The following DEPTOR variants were observed in gnomAD, a reference collection of about 807,000 sequenced individuals.
The protein encoded by DEPTOR is DEP domain containing MTOR interacting protein.
In DEPTOR, 41 loss-of-function variants were observed where a neutral mutation model predicts 41.6. The ratio of observed to expected loss-of-function variants is 0.98; its 90% CI spans 0.77 to 1.28. The LOEUF (loss-of-function observed/expected upper bound fraction) is 1.28. DEPTOR is among the 50% of genes most tolerant of loss of function. The probability of loss-of-function intolerance (pLI) is 0.00; values close to 1 mark genes in which losing one functional copy is unlikely to be tolerated. For synonymous variants in DEPTOR, 195 were observed against 192.3 expected (o/e 1.01, Z -0.12); for missense variants, 514 against 527.9 (o/e 0.97, Z 0.26).
chr8:120,035,883 G>C (rs527580565), intron 8 of DEPTOR, among the ~76,000 whole-genome samples: 3 of 152,306 alleles, frequency 2.0e-5, no homozygotes, highest in South Asian at 4.1e-4. Flanking sequence ...TAGAGAGAAT[G>C]CTGTCTGTCC....
intron 8 of DEPTOR, among the ~76,000 whole-genome samples, chr8:120,018,342 C>T (rs1046044676): frequency 6.6e-6 from 1 of 152,146 alleles, no homozygotes; most frequent in Non-Finnish European, 1.5e-5. Flanking sequence ...CTTTGGGAGG[C>T]CGAGGCAGGC....
At chr8:120,034,311 G>A (rs972161742) in intron 8 of DEPTOR, among the ~76,000 whole-genome samples, 2 of 144,948 alleles carry the variant, frequency 1.4e-5, no homozygotes, top group African/African-American at 5.2e-5. Flanking sequence ...TGTATTCGTA[G>A]CTGAGATCAG....
rs560067125 is a variant in DEPTOR, at chr8:120,011,765, C to T, written c.1101+2632C>T. Among the ~76,000 whole-genome samples, 58 of 152,256 alleles carry T rather than the reference C, an allele frequency of 3.8e-4. No individual in the cohort carries two copies. The South Asian group carries it at 0.011, about 29-fold the overall frequency. On this transcript the variant is annotated intron_variant, in intron 8 of 8. Transcript: ENST00000286234. The stretch of plus-strand genomic sequence containing the variant: ...GTCAACTCATTAACTAACTCTTTAA[C>T]GTATATTCCCTGATCGATGTTTTAC...
chr8:120,043,113 T>C (rs750811885), intron 8 of DEPTOR, among the ~76,000 whole-genome samples: 2 of 151,900 alleles, frequency 1.3e-5, no homozygotes, highest in Non-Finnish European at 2.9e-5. Context: ...ATATAGGTAA[T>C]TGGGGAGCAG....
At chr8:120,034,957 T>A (rs7843503) in intron 8 of DEPTOR, among the ~76,000 whole-genome samples, 57,891 of 151,842 alleles carry the variant, frequency 0.38, 11,479 homozygotes, top group African/African-American at 0.46. Context: ...AGGGAGGAAG[T>A]TTGTCCTTGT....
chr8:119,904,299 A>G (rs150949143), intron 1 of DEPTOR, among the ~76,000 whole-genome samples: 4 of 151,788 alleles, frequency 2.6e-5, no homozygotes, highest in African/African-American at 9.7e-5. Flanking sequence ...TTCTATTTTT[A>G]GTAGAGACAG....
chr8:119,925,607 A>G (rs1175632112), intron 1 of DEPTOR, among the ~76,000 whole-genome samples: 1 of 151,916 alleles, frequency 6.6e-6, no homozygotes, highest in East Asian at 1.9e-4. Context: ...TATCAGCCCC[A>G]GTGTCTATTG....
intron 8 of DEPTOR, among the ~76,000 whole-genome samples, chr8:120,046,646 G>A (rs187835184): frequency 5.3e-5 from 8 of 151,954 alleles, no homozygotes; most frequent in East Asian, 1.9e-4. Flanking sequence ...TTGTAGAGAC[G>A]GAGTCTCACT....
At chr8:119,993,488 T>C (rs1214857408) in intron 4 of DEPTOR, among the ~76,000 whole-genome samples, 3 of 152,234 alleles carry the variant, frequency 2.0e-5, no homozygotes, top group Non-Finnish European at 4.4e-5. Context: ...TTGTCAGTTT[T>C]CAATTACAAC....
Position 119,918,957 on chromosome 8 carries a change from GTGTGTGTGTA to G in DEPTOR, c.123-9437_123-9428del, listed in dbSNP as rs1404917200. 5.2e-3 allele frequency among the ~76,000 whole-genome samples: 737 copies of G among 140,834 alleles called. 2 individuals carry two copies. The highest frequency in any genetic ancestry group is 0.017 in the African/African-American group (666 of 38,086). 92.4% of individuals were successfully genotyped at this position (140,834 alleles called of 152,430 possible). A position where few individuals can be genotyped will look rare whatever the true frequency, so the allele number is the denominator to read the frequency against. ...ATAGTGAGTGTGTGTGTGTGTGTGTGTGTGTGTGTATGTGTATGTGTGTGTGTTGTCCAAG... is the reference window on the plus strand; with the variant it reads ...ATAGTGAGTGTGTGTGTGTGTGTGTGTGTGTATGTGTGTGTGTTGTCCAAG... On this transcript the variant is annotated intron_variant, in intron 1 of 8. Coordinates refer to ENST00000286234, the MANE Select transcript of DEPTOR (RefSeq NM_022783.4).
chr8:119,966,803 G>A (rs1444208573), intron 4 of DEPTOR, among the ~76,000 whole-genome samples: 2 of 152,182 alleles, frequency 1.3e-5, no homozygotes, highest in East Asian at 3.9e-4. Flanking sequence ...AGGAGAAAAG[G>A]CATACAAATT....
chr8:119,982,840 A>G (rs886865648), intron 4 of DEPTOR, among the ~76,000 whole-genome samples: 1 of 152,218 alleles, frequency 6.6e-6, no homozygotes, highest in Non-Finnish European at 1.5e-5. Context: ...TTCATCCTAC[A>G]TCTCATGGGC....
At chr8:119,999,647 A>G (rs1812319012) in intron 4 of DEPTOR, among the ~76,000 whole-genome samples, 1 of 152,252 alleles carries the variant, frequency 6.6e-6, no homozygotes, top group Non-Finnish European at 1.5e-5. Flanking sequence ...AAATAAATAA[A>G]GTATAGATTT....
At chr8:119,947,386 G>C (rs74634475) in intron 3 of DEPTOR, among the ~76,000 whole-genome samples, 4,260 of 152,290 alleles carry the variant, frequency 0.028, 211 homozygotes, top group African/African-American at 0.098. Context: ...GCTTTTGCAA[G>C]CCATTCCTTT....
chr8:120,020,538 G>A (rs12680396), intron 8 of DEPTOR, among the ~76,000 whole-genome samples: 58,238 of 151,916 alleles, frequency 0.38, 11,687 homozygotes, highest in East Asian at 0.59. Flanking sequence ...ATCACACCTG[G>A]CCTCCTTCTC....
intron 1 of DEPTOR, among the ~76,000 whole-genome samples, chr8:119,911,311 CTTTTTTTTTTTTTTT>C (rs147066045): frequency 9.5e-6 from 1 of 105,478 alleles, no homozygotes; most frequent in South Asian, 3.2e-4. Flanking sequence ...TACACACATT[CTTTTTTTTTTTTTTT>C]TTTTTTTTTG....
chr8:119,946,013 C>A (rs1007784231), intron 3 of DEPTOR, among the ~76,000 whole-genome samples: 2 of 152,136 alleles, frequency 1.3e-5, no homozygotes, highest in South Asian at 2.1e-4. Context: ...AAGGCTCCCT[C>A]GGTTGGTCGG....
chr8:119,977,650 A>G (rs1284623701), intron 4 of DEPTOR, among the ~76,000 whole-genome samples: 1 of 152,198 alleles, frequency 6.6e-6, no homozygotes, highest in Non-Finnish European at 1.5e-5. Flanking sequence ...TGCTTGATAG[A>G]GGGCCAAGAC....
intron 4 of DEPTOR, among the ~76,000 whole-genome samples, chr8:119,972,201 C>G (rs1828641934): frequency 6.6e-6 from 1 of 152,230 alleles, no homozygotes; most frequent in Non-Finnish European, 1.5e-5. Context: ...CTGATCTACT[C>G]TAAATAATAG....
Sources: gnomAD v4.1 joint callset for allele counts (sites outside exome capture counted in the v4.1 genomes callset) on GRCh38, gnomAD v4.1.1 for gene constraint, MANE v1.5 for transcripts, NCBI Gene and HGNC (gene_info 2026-07-23, HGNC 2026-07-21) for gene names.